The following YJEFN3 variants were observed in gnomAD, a reference collection of about 807,000 sequenced individuals.
YJEFN3 encodes yjeF N-terminal domain-containing protein 3.
In YJEFN3, 29 loss-of-function variants were observed where a neutral mutation model predicts 31.5. The ratio of observed to expected loss-of-function variants is 0.92; its 90% CI spans 0.69 to 1.26. The LOEUF is 1.26. YJEFN3 is among the 50% of genes most tolerant of loss of function. YJEFN3 has a pLI of 0.00. For synonymous variants in YJEFN3, 227 were observed against 196.1 expected (o/e 1.16, Z -1.32); for missense variants, 442 against 425.4 (o/e 1.04, Z -0.34).
chr19:19,535,947 G>A, intron 6 of YJEFN3: 1 of 585,340 alleles, frequency 1.7e-6, no homozygotes, highest in Non-Finnish European at 3.0e-6. Flanking sequence ...TGCCTGGGCA[G>A]ACGTGAGCTC....
At chr19:19,530,438 C>T (rs1765143204) in intron 2 of YJEFN3, among the ~76,000 whole-genome samples, 1 of 151,338 alleles carries the variant, frequency 6.6e-6, no homozygotes, top group Non-Finnish European at 1.5e-5. Context: ...GGACGACCCT[C>T]TGCCCACAGA....
At chr19:19,530,551 C>T (rs952583751) in intron 2 of YJEFN3, among the ~76,000 whole-genome samples, 5 of 152,254 alleles carry the variant, frequency 3.3e-5, no homozygotes, top group East Asian at 1.9e-4. Context: ...ATCGCCCTCC[C>T]GCCCTCCACT....
rs768569722 is a variant in YJEFN3 at position 19,528,980 on chromosome 19, G to A, written c.48G>A (p.Arg16=). Residue 16 remains arginine (R), a synonymous_variant, in exon 1 of 7, where the codon CGG becomes CGA. Transcript: ENST00000514277. The part of the protein sequence containing the change: ...GPDPSEAPEE[R]HFLRALELQP... ...ACCCGTCGGAGGCGCCCGAAGAGCG[G>A]CATTTCCTCAGGTCAGCTGGGGAGA... The A allele has an allele frequency of 1.3e-6, 2 of 1,550,622 alleles. No homozygotes were observed. The highest frequency in any genetic ancestry group is 1.7e-6 in the Non-Finnish European group (2 of 1,146,814).
intron 2 of YJEFN3, among the ~76,000 whole-genome samples, chr19:19,530,901 TTCACCATG>T (rs1432743824): frequency 6.6e-6 from 1 of 152,230 alleles, no homozygotes; most frequent in Non-Finnish European, 1.5e-5. Context: ...AAGTGTCCTC[TTCACCATG>T]TTCCTCAGTC....
Position 19,532,679 on chromosome 19 carries a change from G to A in YJEFN3, c.257G>A (p.Arg86His), listed in dbSNP as rs749298745. The A allele has an allele frequency of 6.4e-5, 101 of 1,575,508 alleles. No individual in the cohort carries two copies. Among genetic ancestry groups the A allele is most frequent in the Admixed American group, 2.3e-4 (13 of 56,138 alleles). ...ALERELLEDY[R>H]FGRQQLVELC... ...GAGCGGGAGCTGCTGGAGGATTATCGCTTTGGGCGGCAGCAGCTCGTGGAG... is the reference window on the plus strand; with the variant it reads ...GAGCGGGAGCTGCTGGAGGATTATCACTTTGGGCGGCAGCAGCTCGTGGAG... Residue 86 changes from arginine (R) to histidine (H), a missense_variant, in exon 3 of 7, where the codon CGC becomes CAC. Arg to His is a conservative substitution (Grantham distance 29). Coordinates refer to ENST00000514277, the MANE Select transcript of YJEFN3 (RefSeq NM_198537.4).
At position 19,532,743 on chromosome 19, in the gene YJEFN3, A is replaced by ACCTGACC. The variant is rs780991365; in HGVS notation, c.318+13_318+19dup. 2.6e-6 allele frequency: 4 copies of ACCTGACC among 1,558,284 alleles called. No homozygotes were observed. The highest frequency in any genetic ancestry group is 3.5e-6 in the Non-Finnish European group (4 of 1,156,732). On this transcript the variant is annotated splice_donor_region_variant and intron_variant, in intron 3 of 6. Transcript: ENST00000514277. ...CTAGTGCCGTGGCTGTGACCAAGGT[A>ACCTGACC]CCTGACCCCTGACCCCCAACCCTGA...
rs1460987369 is a variant in YJEFN3, at chr19:19,537,532, C to CCCCA, written c.*9_*10insCCAC. ...TGCGTCGCGGCACTGTGACCGCCACCCGCGGCCACACCGCAGGGACCCTCG... is the reference window on the plus strand; with the variant it reads ...TGCGTCGCGGCACTGTGACCGCCACCCCCACGCGGCCACACCGCAGGGACCCTCG... On this transcript the variant is annotated 3_prime_UTR_variant, in exon 7 of 7. Transcript: ENST00000514277. The CCCCA allele has an allele frequency of 3.9e-6, 6 of 1,545,244 alleles. No individual in the cohort carries two copies. In the African/African-American group the frequency reaches 8.1e-5, roughly 21 times the overall value.
At chr19:19,529,287 A>T (rs1460413420) in intron 1 of YJEFN3, 77 bp from the exon 2 acceptor site, 1 of 1,513,614 alleles carries the variant, frequency 6.6e-7, no homozygotes, top group Non-Finnish European at 8.8e-7. Flanking sequence ...GCCCCTCATG[A>T]ATGATTCATC....
chr19:19,535,672 C>G lies in YJEFN3; in HGVS notation c.687C>G (p.Ile229Met), dbSNP rs562836790. ...LLSIPLVSLDIPSGWDAETGS... is the reference protein window; with the variant it reads ...LLSIPLVSLDMPSGWDAETGS... ...CCATCCCCCTCGTGAGCCTGGACAT[C>G]CCCTCAGGCATGCCAGGCAGAGGGG... Residue 229 changes from isoleucine to methionine, a missense_variant, in exon 6 of 7, where the codon ATC (isoleucine) becomes ATG (methionine). Transcript: ENST00000514277. The G allele has an allele frequency of 2.6e-6, 4 of 1,558,730 alleles. No homozygotes were observed. Among genetic ancestry groups the G allele is most frequent in the Non-Finnish European group, 3.5e-6 (4 of 1,153,164 alleles).
chr19:19,534,883 ACC>A lies in YJEFN3; in HGVS notation c.319-148_319-147del. ...GGAAACTGAGGCCCCAAGAGGCCCAACCCCTCATCCAGAACAGCTCACCTCCT... is the reference window on the plus strand; with the variant it reads ...GGAAACTGAGGCCCCAAGAGGCCCAACCTCATCCAGAACAGCTCACCTCCT... On this transcript the variant is annotated intron_variant, in intron 3 of 6. Transcript: ENST00000514277. The surrounding 1 kb of genome is among the most constrained non-coding windows in gnomAD (Gnocchi z 4.6). 2 of 521,310 alleles carry A rather than the reference ACC, an allele frequency of 3.8e-6. No individual in the cohort carries two copies. Among genetic ancestry groups the A allele is most frequent in the Admixed American group, 6.9e-5 (2 of 29,048 alleles). The allele number at this position is 521,310 out of a possible 1,614,324, so 32.3% of individuals were successfully genotyped here. A position where few individuals can be genotyped will look rare whatever the true frequency, so the allele number is the denominator to read the frequency against.
Position 19,529,395 on chromosome 19 carries a change from A to G in YJEFN3, c.91A>G (p.Met31Val), listed in dbSNP as rs1267084068. The G allele has an allele frequency of 8.1e-6, 13 of 1,613,474 alleles. No homozygotes were observed. The highest frequency in any genetic ancestry group is 1.7e-4 in the Middle Eastern group (1 of 6,036). The change falls in exon 2 of 7, where the codon ATG becomes GTG. Residue 31 changes from methionine to valine, a missense_variant. By Grantham distance (21) the Met-to-Val change is conservative (BLOSUM62 1). Coordinates refer to ENST00000514277, the MANE Select transcript of YJEFN3 (RefSeq NM_198537.4). ...GGAGCTGCAGCCCCCACTTGCCGAC[A>G]TGGGAAGAGCGGAGCTTAGCTCAAA... Reference protein sequence around the residue: ...ALELQPPLADMGRAELSSNAT... With the variant: ...ALELQPPLADVGRAELSSNAT...
At position 19,529,425 on chromosome 19, in the gene YJEFN3, A is replaced by G. The variant is rs1437974420; in HGVS notation, c.121A>G (p.Thr41Ala). 1.9e-6 allele frequency: 3 copies of G among 1,613,930 alleles called. No homozygotes were observed. Among genetic ancestry groups the G allele is most frequent in the Non-Finnish European group, 2.5e-6 (3 of 1,179,990 alleles). ...AAGAGCGGAGCTTAGCTCAAATGCT[A>G]CCACCTCCCTTGTCCAGAGGAGGAA... ...MGRAELSSNA[T>A]TSLVQRRKQA... Residue 41 changes from threonine to alanine, a missense_variant, in exon 2 of 7, where the codon ACC (threonine) becomes GCC (alanine). Transcript: ENST00000514277.
chr19:19,536,790 T>C (rs1385099579), intron 6 of YJEFN3, among the ~76,000 whole-genome samples: 4 of 151,710 alleles, frequency 2.6e-5, no homozygotes, highest in African/African-American at 7.3e-5. Context: ...GCCAATATGG[T>C]GAAACTCCAT....
intron 2 of YJEFN3, 32 bp downstream of exon 2, chr19:19,529,545 G>T (rs375732657): frequency 1.9e-6 from 3 of 1,603,612 alleles, no homozygotes; most frequent in African/African-American, 2.7e-5. Context: ...AACTGGCGCC[G>T]TGGCTGTGAC....
intron 6 of YJEFN3, 56 bp from the exon 7 acceptor site, chr19:19,537,263 G>T: frequency 6.8e-7 from 1 of 1,474,530 alleles, no homozygotes; most frequent in South Asian, 1.3e-5. Context: ...ATGGACTCTA[G>T]GCTGAGGGCA....
Position 19,535,587 on chromosome 19 carries a change from T to C in YJEFN3, c.602T>C (p.Val201Ala). ...LVVDAVLGPG[V>A]EPGEVGGPCT... ...GTGGATGCCGTACTGGGCCCCGGCG[T>C]GGAGCCGGGCGAGGTCGGGGGCCCC... The change falls in exon 6 of 7, where the codon GTG becomes GCG. Residue 201 changes from valine to alanine, a missense_variant. Val to Ala is a moderately conservative substitution (Grantham distance 64). Transcript: ENST00000514277. 1.9e-6 allele frequency: 3 copies of C among 1,581,840 alleles called. No individual in the cohort carries two copies. Among genetic ancestry groups the C allele is most frequent in the Non-Finnish European group, 2.6e-6 (3 of 1,163,612 alleles).
Position 19,537,473 on chromosome 19 carries a change from C to T in YJEFN3, c.849C>T (p.Phe283=), listed in dbSNP as rs748425755. ...TGCCCGATGACGTGCGCCGCAAGTT[C>T]GCTCTGCGCCTGCCGGGATACACGG... ...RFVPDDVRRK[F]ALRLPGYTGT... The change falls in exon 7 of 7, where the codon TTC becomes TTT. Residue 283 remains phenylalanine, a synonymous_variant. Transcript: ENST00000514277. 7 of 1,584,908 alleles carry T rather than the reference C, an allele frequency of 4.4e-6. No homozygotes were observed. The highest frequency in any genetic ancestry group is 2.0e-4 in the Middle Eastern group (1 of 4,946).
chr19:19,529,072 A>G, intron 1 of YJEFN3, 81 bp downstream of exon 1: 1 of 1,529,892 alleles, frequency 6.5e-7, no homozygotes, highest in Non-Finnish European at 8.8e-7. Context: ...AGGCAGGGTC[A>G]TAGCTGGGAC....
intron 2 of YJEFN3, among the ~76,000 whole-genome samples, chr19:19,530,723 T>C (rs1233110506): frequency 6.6e-6 from 1 of 152,196 alleles, no homozygotes; most frequent in African/African-American, 2.4e-5. Context: ...GGGGGGACTC[T>C]GTCTGACTTC....
Sources: gnomAD v4.1 joint callset for allele counts (sites outside exome capture counted in the v4.1 genomes callset) on GRCh38, gnomAD v4.1.1 for gene constraint, Gnocchi (gnomAD v3.1) non-coding constraint, MANE v1.5 for transcripts, NCBI Gene and HGNC (gene_info 2026-07-23, HGNC 2026-07-21) for gene names.